Variants in ITGA3 observed in about 807,000 individuals in gnomAD.
ITGA3 encodes integrin alpha-3.
ITGA3 carries 70 observed loss-of-function variants against 131.1 expected under a neutral mutation model. The observed-to-expected ratio is 0.53, with a 90% CI of 0.44 to 0.65. The LOEUF (loss-of-function observed/expected upper bound fraction) is 0.65, where lower values mean the gene tolerates loss of function less well. ITGA3 is among the 30% of genes least tolerant of loss of function. ITGA3 has a pLI of 0.00. For missense variants in ITGA3, 1,098 were observed against 1,388.6 expected, an observed-to-expected ratio of 0.79 and a Z score of 3.33; for synonymous variants, 537 against 571.6, an observed-to-expected ratio of 0.94 and a Z score of 0.86.
Position 50,064,075 on chromosome 17 carries a change from A to G in ITGA3, c.207-2A>G. On this transcript the variant is annotated splice_acceptor_variant, in intron 1 of 25. Coordinates refer to ENST00000320031, the MANE Select transcript of ITGA3 (RefSeq NM_002204.4). LOFTEE classifies it high-confidence loss of function. The surrounding 1 kb of genome is among the most constrained non-coding windows in gnomAD (Gnocchi z 4.4). ...CGGACCCACCTCCGTCCCTATCCCC[A>G]GGCTCCTGGCTGGTGCCCCCCGGGA... 6.2e-7 allele frequency: 1 copy of G among 1,612,686 alleles called. No individual in the cohort carries two copies. Among genetic ancestry groups the G allele is most frequent in the Non-Finnish European group, 8.5e-7 (1 of 1,179,634 alleles).
intron 12 of ITGA3, 34 bp from the exon 13 acceptor site, chr17:50,076,292 G>A: frequency 1.2e-6 from 2 of 1,604,506 alleles, no homozygotes; most frequent in Non-Finnish European, 1.7e-6. Flanking sequence ...AGGGAGCAGT[G>A]CAGGGCCGGG....
rs767399419 is a variant in ITGA3 at position 50,077,400 on chromosome 17, G to A, written c.2092G>A (p.Glu698Lys). Residue 698 changes from glutamate to lysine, a missense_variant, in exon 16 of 26, where the codon GAG becomes AAG. Glu to Lys is a moderately conservative substitution (Grantham distance 56). Around this residue, in one of 3 missense-constraint regions of ITGA3, gnomAD observed 699 missense variants for 829.2 expected, o/e 0.84. Coordinates refer to ENST00000320031, the MANE Select transcript of ITGA3 (RefSeq NM_002204.4). The part of the protein sequence containing the change: ...VRPPGACQAN[E>K]TIFCELGNPF... ...TCAGCCCGGGGCCTGCCAAGCTAATGAGACCATCTTTTGCGAGCTGGGGAA... is the reference window on the plus strand; with the variant it reads ...TCAGCCCGGGGCCTGCCAAGCTAATAAGACCATCTTTTGCGAGCTGGGGAA... 19 of 1,614,062 alleles carry A rather than the reference G, an allele frequency of 1.2e-5. No individual in the cohort carries two copies. The highest frequency in any genetic ancestry group is 1.6e-5 in the Non-Finnish European group (19 of 1,179,940).
intron 4 of ITGA3, among the ~76,000 whole-genome samples, chr17:50,068,814 T>TATTATTTATTTA (rs1555554348): frequency 8.4e-6 from 1 of 118,704 alleles, no homozygotes; most frequent in African/African-American, 3.4e-5. Context: ...AATCAGTCTT[T>TATTATTTATTTA]TTTATTTATT....
At position 50,080,255 on chromosome 17, in the gene ITGA3, G is replaced by A. The variant is rs559954731; in HGVS notation, c.2707-7G>A. Reference sequence around the variant, plus strand: ...ATGTCACGTCTTGCGTTCCCTGCCCGCCTCAGACCTGTGCCACAGGGCGTG... The same window carrying A: ...ATGTCACGTCTTGCGTTCCCTGCCCACCTCAGACCTGTGCCACAGGGCGTG... On this transcript the variant is annotated splice_polypyrimidine_tract_variant and splice_region_variant and intron_variant, in intron 21 of 25. Transcript: ENST00000320031. The A allele has an allele frequency of 2.7e-5, 42 of 1,562,996 alleles. No homozygotes were observed. Among genetic ancestry groups the A allele is most frequent in the African/African-American group, 2.0e-4 (15 of 73,802 alleles).
chr17:50,063,287 T>C (rs1908179452), intron 1 of ITGA3, among the ~76,000 whole-genome samples: 1 of 152,156 alleles, frequency 6.6e-6, no homozygotes, highest in Non-Finnish European at 1.5e-5. Context: ...TGGGGCCACA[T>C]TGTCCAAAGT....
intron 24 of ITGA3, among the ~76,000 whole-genome samples, 174 bp downstream of exon 24, chr17:50,088,043 T>G (rs1909542654): frequency 6.6e-6 from 1 of 151,966 alleles, no homozygotes; most frequent in Non-Finnish European, 1.5e-5. Context: ...CCTGGGTTAG[T>G]GGGGGGAGCT....
chr17:50,070,369 G>A (rs1908563622), intron 4 of ITGA3, among the ~76,000 whole-genome samples: 2 of 152,310 alleles, frequency 1.3e-5, no homozygotes, highest in South Asian at 4.1e-4. Flanking sequence ...TAATAGGCCA[G>A]GCACAGTGGC....
At chr17:50,065,612 G>A (rs1359482549) in intron 3 of ITGA3, 2 of 152,254 alleles carry the variant, frequency 1.3e-5, no homozygotes, top group Admixed American at 6.5e-5. Flanking sequence ...TCACAATCAC[G>A]GTGGAAGGCA....
At chr17:50,084,444 T>C (rs978460726) in intron 23 of ITGA3, among the ~76,000 whole-genome samples, 15 of 151,974 alleles carry the variant, frequency 9.9e-5, no homozygotes, top group African/African-American at 3.4e-4. Flanking sequence ...GATAAATATA[T>C]GGGGATATTT....
In ITGA3 at chr17:50,064,125, C is replaced by T; in HGVS notation, c.255C>T (p.Thr85=). ...AGCTCGCTGTGCCCGATGGCTACACCAACCGGACTGGTGCTGTGTACCTGT... is the reference window on the plus strand; with the variant it reads ...AGCTCGCTGTGCCCGATGGCTACACTAACCGGACTGGTGCTGTGTACCTGT... ...PRELAVPDGY[T]NRTGAVYLCP... Residue 85 remains threonine (T), a synonymous_variant, in exon 2 of 26, where the codon ACC becomes ACT. Coordinates refer to ENST00000320031, the MANE Select transcript of ITGA3 (RefSeq NM_002204.4). The surrounding 1 kb of genome is among the most constrained non-coding windows in gnomAD (Gnocchi z 4.4). 6.2e-7 allele frequency: 1 copy of T among 1,612,596 alleles called. No homozygotes were observed. Among genetic ancestry groups the T allele is most frequent in the Non-Finnish European group, 8.5e-7 (1 of 1,179,610 alleles).
intron 8 of ITGA3, 61 bp from the exon 9 acceptor site, chr17:50,074,083 C>T: frequency 6.4e-7 from 1 of 1,551,758 alleles, no homozygotes; most frequent in South Asian, 1.1e-5. Flanking sequence ...CCAACCCTTC[C>T]CTGTAGCCCC....
At chr17:50,072,260 C>CTGCA in intron 7 of ITGA3, 78 bp downstream of exon 7, 2 of 1,333,080 alleles carry the variant, frequency 1.5e-6, no homozygotes, top group Non-Finnish European at 2.1e-6. Context: ...TGAGCACCAG[C>CTGCA]TGCACATCAG....
rs1342869562 is a variant in ITGA3 at position 50,087,875 on chromosome 17, T to C, written c.3045+6T>C. On this transcript the variant is annotated splice_donor_region_variant and intron_variant, in intron 24 of 25. Coordinates refer to ENST00000320031, the MANE Select transcript of ITGA3 (RefSeq NM_002204.4). ...TCATCCTCCTGCTGTGGAAGGTTAG[T>C]AGCCCAGCCCACTCCTGCTCCGGGA... 6 of 1,572,428 alleles carry C rather than the reference T, an allele frequency of 3.8e-6. No individual in the cohort carries two copies. The East Asian group carries it at 1.2e-4, about 31-fold the overall frequency.
At chr17:50,061,687 C>G (rs1369243039) in intron 1 of ITGA3, among the ~76,000 whole-genome samples, 1 of 152,252 alleles carries the variant, frequency 6.6e-6, no homozygotes, top group East Asian at 1.9e-4. Context: ...CTCTCTAAAC[C>G]ACCAAAGGAG....
At position 50,056,352 on chromosome 17, in the gene ITGA3, G is replaced by C. The variant is rs1907805553; in HGVS notation, c.-88G>C. On this transcript the variant is annotated 5_prime_UTR_variant, in exon 1 of 26. Coordinates refer to ENST00000320031, the MANE Select transcript of ITGA3 (RefSeq NM_002204.4). The surrounding 1 kb of genome is among the most constrained non-coding windows in gnomAD (Gnocchi z 5.6). ...CGGCCGGCGGGTTCCAGTGTCCTCC[G>C]GCGGCGCGGGGAGCAGGTGAACAGG... is the stretch of plus-strand genomic sequence containing the variant. The C allele has an allele frequency of 2.1e-6, 2 of 965,932 alleles. No individual in the cohort carries two copies. The allele number at this position is 965,932 out of a possible 1,614,324, so 59.8% of individuals were successfully genotyped here.
rs1472516139 is a variant in ITGA3 at position 50,077,457 on chromosome 17, G to A, written c.2139+10G>A. On this transcript the variant is annotated intron_variant, in intron 16 of 25. Coordinates refer to ENST00000320031, the MANE Select transcript of ITGA3 (RefSeq NM_002204.4). The stretch of plus-strand genomic sequence containing the variant: ...CAAACGGAACCAGAGGGTGAGCACC[G>A]GCCACATCCTCCCAGTCCTCCTGGG... 1.2e-6 allele frequency: 2 copies of A among 1,607,710 alleles called. No homozygotes were observed. Among genetic ancestry groups the A allele is most frequent in the Non-Finnish European group, 1.7e-6 (2 of 1,174,238 alleles).
intron 22 of ITGA3, 147 bp downstream of exon 22, chr17:50,080,522 C>T: frequency 1.7e-6 from 1 of 579,686 alleles, no homozygotes; most frequent in Non-Finnish European, 3.0e-6. Flanking sequence ...CGTGTCTTTG[C>T]ATGGATGTGT....
rs149431620 is a variant in ITGA3 at position 50,067,438 on chromosome 17, C to G, written c.415-618C>G. Among the ~76,000 whole-genome samples the G allele has an allele frequency of 4.6e-4, 70 of 152,234 alleles. 1 individual carries two copies. The East Asian group carries it at 9.4e-3, about 21-fold the overall frequency. ...GAGCTCAGATTTTGGAAGGAGACAG[C>G]CTTGGTTTGAATATTCTCTGCCTCT... On this transcript the variant is annotated intron_variant, in intron 3 of 25. Transcript: ENST00000320031.
rs188103793 is a variant in ITGA3, at chr17:50,089,970, C to T, written c.*892C>T. The T allele has an allele frequency of 3.4e-3, 723 of 211,020 alleles. 17 individuals carry two copies. In the South Asian group the frequency reaches 0.037, roughly 11 times the overall value. The allele number at this position is 211,020 out of a possible 1,614,324, so 13.1% of individuals were successfully genotyped here. On this transcript the variant is annotated 3_prime_UTR_variant, in exon 26 of 26. Coordinates refer to ENST00000320031, the MANE Select transcript of ITGA3 (RefSeq NM_002204.4). ...AGGAACAAAGACAGGCAAACGGCAA[C>T]GTAGCCTGGGCTCACTGTGCTGGGG...
Sources: gnomAD v4.1 joint callset for allele counts (sites outside exome capture counted in the v4.1 genomes callset) on GRCh38, gnomAD v4.1.1 for gene constraint, gnomAD v4.1.1 regional missense constraint, Gnocchi (gnomAD v3.1) non-coding constraint, MANE v1.5 for transcripts, NCBI Gene and HGNC (gene_info 2026-07-23, HGNC 2026-07-21) for gene names.